GRIA4: variants seen among roughly 807,000 people sequenced by gnomAD.
GRIA4 encodes the protein glutamate receptor 4.
GRIA4 carries 34 observed loss-of-function variants against 104.0 expected under a neutral mutation model. The observed-to-expected ratio is 0.33, with a 90% CI of 0.25 to 0.44. The LOEUF (loss-of-function observed/expected upper bound fraction) is 0.44, where lower values mean the gene tolerates loss of function less well. GRIA4 is among the 20% of genes least tolerant of loss of function. The pLI, the probability that GRIA4 is intolerant of heterozygous loss-of-function variation, is 1.00. For missense variants in GRIA4, 750 were observed against 1,096.5 expected, an observed-to-expected ratio of 0.68 and a Z score of 4.46; for synonymous variants, 386 against 381.9, an observed-to-expected ratio of 1.01 and a Z score of -0.13.
intron 4 of GRIA4, among the ~76,000 whole-genome samples, chr11:105,775,263 C>T (rs1941398647): frequency 6.6e-6 from 1 of 152,146 alleles, no homozygotes; most frequent in Non-Finnish European, 1.5e-5. Context: ...CATTTAATCA[C>T]ATCTCCAAAA....
intron 10 of GRIA4, among the ~76,000 whole-genome samples, chr11:105,914,673 C>T (rs1216235328): frequency 1.3e-5 from 2 of 152,112 alleles, no homozygotes; most frequent in Non-Finnish European, 1.5e-5. Context: ...TAATATACAA[C>T]TCATATTCAC....
intron 6 of GRIA4, among the ~76,000 whole-genome samples, chr11:105,891,424 A>T (rs1946451016): frequency 6.6e-6 from 1 of 152,316 alleles, no homozygotes; most frequent in East Asian, 1.9e-4. Flanking sequence ...TAAATATTTT[A>T]GGAAAAAGGA....
chr11:105,847,968 C>A (rs1944657494), intron 4 of GRIA4, among the ~76,000 whole-genome samples: 1 of 152,122 alleles, frequency 6.6e-6, no homozygotes, highest in Non-Finnish European at 1.5e-5. Context: ...AGTAGACTTG[C>A]TGAGCAGAAT....
intron 5 of GRIA4, among the ~76,000 whole-genome samples, chr11:105,863,000 T>C (rs1347455004): frequency 1.3e-5 from 2 of 152,226 alleles, no homozygotes; most frequent in African/African-American, 4.8e-5. Context: ...TGCTTGCTCA[T>C]ATTATCTACA....
intron 4 of GRIA4, among the ~76,000 whole-genome samples, chr11:105,786,437 T>G (rs1047822200): frequency 3.3e-5 from 5 of 152,196 alleles, no homozygotes; most frequent in African/African-American, 1.2e-4. Flanking sequence ...ATTCTTGAAT[T>G]TCTCCTTGTG....
intron 3 of GRIA4, among the ~76,000 whole-genome samples, chr11:105,733,601 C>T (rs192255822): frequency 2.6e-5 from 4 of 151,934 alleles, no homozygotes; most frequent in African/African-American, 7.2e-5. Flanking sequence ...GGATTACAGG[C>T]GCCTGCCACC....
intron 3 of GRIA4, among the ~76,000 whole-genome samples, chr11:105,664,336 A>C (rs1445494717): frequency 6.6e-6 from 1 of 150,658 alleles, no homozygotes; most frequent in Non-Finnish European, 1.5e-5. Flanking sequence ...ACAGAAAGAA[A>C]ACCAATGTGA....
chr11:105,628,875 G>A (rs1026119698), intron 3 of GRIA4, among the ~76,000 whole-genome samples: 4 of 152,026 alleles, frequency 2.6e-5, no homozygotes, highest in Non-Finnish European at 5.9e-5. Context: ...GGACATTGTT[G>A]CTAAAATAGT....
chr11:105,973,774 T>C (rs948668136), intron 15 of GRIA4, among the ~76,000 whole-genome samples: 4 of 152,176 alleles, frequency 2.6e-5, no homozygotes, highest in African/African-American at 9.6e-5. Flanking sequence ...TATTTGCATG[T>C]ATTTGGTAAA....
intron 5 of GRIA4, among the ~76,000 whole-genome samples, chr11:105,868,991 G>C (rs1427084033): frequency 1.3e-5 from 2 of 152,052 alleles, no homozygotes; most frequent in Non-Finnish European, 2.9e-5. Context: ...TGATGCACTA[G>C]GTTTGTTGTT....
intron 12 of GRIA4, among the ~76,000 whole-genome samples, 200 bp downstream of exon 12, chr11:105,924,969 A>C (rs1264724631): frequency 6.6e-6 from 1 of 152,156 alleles, no homozygotes. Context: ...TCTCAATAGC[A>C]AAGAAACTAT....
At chr11:105,634,471 A>AAGAAAGAAAGAAAG (rs1951136024) in intron 3 of GRIA4, among the ~76,000 whole-genome samples, 1 of 45,620 alleles carries the variant, frequency 2.2e-5, no homozygotes, top group Non-Finnish European at 5.8e-5. Flanking sequence ...AAGAAAGGGA[A>AAGAAAGAAAGAAAG]AGAAAGAAAG....
At chr11:105,851,482 G>C (rs1240010848) in intron 4 of GRIA4, among the ~76,000 whole-genome samples, 1 of 152,116 alleles carries the variant, frequency 6.6e-6, no homozygotes, top group Non-Finnish European at 1.5e-5. Context: ...TGTAATTACT[G>C]TACAAACAGC....
chr11:105,940,043 G>A (rs1443389341), intron 14 of GRIA4, among the ~76,000 whole-genome samples: 5 of 152,056 alleles, frequency 3.3e-5, no homozygotes, highest in Non-Finnish European at 5.9e-5. Flanking sequence ...AGCTGACAGC[G>A]TGGTGGTAGA....
chr11:105,852,969 G>A (rs1944871929), intron 4 of GRIA4, among the ~76,000 whole-genome samples: 1 of 148,628 alleles, frequency 6.7e-6, no homozygotes. Context: ...ATTATTTACA[G>A]TACACAGCTT....
chr11:105,648,210 A>C (rs1417845652), intron 3 of GRIA4, among the ~76,000 whole-genome samples: 2 of 151,750 alleles, frequency 1.3e-5, no homozygotes, highest in Non-Finnish European at 2.9e-5. Flanking sequence ...ATAAATAAGC[A>C]TGTCATCTAG....
chr11:105,629,498 T>C (rs1191151888), intron 3 of GRIA4, among the ~76,000 whole-genome samples: 1 of 152,064 alleles, frequency 6.6e-6, no homozygotes, highest in Non-Finnish European at 1.5e-5. Flanking sequence ...TTGATTGCAA[T>C]TTCAAAAGAA....
chr11:105,969,456 G>A (rs640988), intron 14 of GRIA4, among the ~76,000 whole-genome samples: 98,424 of 151,952 alleles, frequency 0.65, 31,918 homozygotes, highest in Middle Eastern at 0.72. Context: ...CTCTAAAACC[G>A]GGTTACAGGT....
rs1033869654 is a variant in GRIA4, at chr11:105,619,255, T to C, written c.247+6821T>C. 5.9e-5 allele frequency among the ~76,000 whole-genome samples: 9 copies of C among 151,918 alleles called. No individual in the cohort carries two copies. In the South Asian group the frequency reaches 6.2e-4, roughly 10 times the overall value. On this transcript the variant is annotated intron_variant, in intron 3 of 16. Coordinates refer to ENST00000282499, the MANE Select transcript of GRIA4 (RefSeq NM_000829.4). ...GTTACGTAACACTTCTGAGTCTCGA[T>C]TTCCTAGTCTGTTAACACAGATAAA...
Sources: allele counts gnomAD v4.1 joint callset (sites outside exome capture counted in the v4.1 genomes callset), GRCh38; gene constraint gnomAD v4.1.1; transcripts MANE v1.5; gene names NCBI Gene and HGNC (gene_info 2026-07-23, HGNC 2026-07-21).